The following MED12L variants were observed in gnomAD, a reference collection of about 807,000 sequenced individuals.
MED12L encodes the protein mediator of RNA polymerase II transcription subunit 12-like protein.
A neutral mutation model predicts 281.3 loss-of-function variants in MED12L; 60 were observed. The observed-to-expected ratio is 0.21, with a 90% confidence interval of 0.17 to 0.26. The LOEUF is 0.26. Ranked by LOEUF, MED12L falls within the 10% of genes least tolerant of loss-of-function variation. The pLI is 1.00. For synonymous variants in MED12L, 974 were observed against 987.2 expected, an observed-to-expected ratio of 0.99 and a Z score of 0.25; for missense variants, 2,146 against 2,680.9, an observed-to-expected ratio of 0.80 and a Z score of 4.41.
intron 8 of MED12L, among the ~76,000 whole-genome samples, chr3:151,160,870 A>G (rs1719891814): frequency 6.6e-6 from 1 of 152,236 alleles, no homozygotes; most frequent in African/African-American, 2.4e-5. Flanking sequence ...AGGCTTTGTG[A>G]AAGAAATTTT....
At position 151,433,278 on chromosome 3, in the gene MED12L, A is replaced by T. The variant is rs995431229; in HGVS notation, c.*474A>T. 6.5e-6 allele frequency: 1 copy of T among 153,310 alleles called. No homozygotes were observed. The highest frequency in any genetic ancestry group is 6.5e-5 in the Admixed American group (1 of 15,298). The allele number at this position is 153,310 out of a possible 1,614,324, so 9.5% of individuals were successfully genotyped here. Reference sequence around the variant, plus strand: ...CAGAAACATGGCCTGTTTATTCTGCATTCACCTGTGATGGTGAAACGGACA... The same window carrying T: ...CAGAAACATGGCCTGTTTATTCTGCTTTCACCTGTGATGGTGAAACGGACA... On this transcript the variant is annotated 3_prime_UTR_variant, in exon 45 of 45. Transcript: ENST00000687756.
intron 39 of MED12L, among the ~76,000 whole-genome samples, chr3:151,396,730 TAGCCCACTTTCAA>T (rs1715028198): frequency 1.3e-5 from 2 of 152,260 alleles, no homozygotes; most frequent in Non-Finnish European, 1.5e-5. Context: ...TTCTTATTTA[TAGCCCACTTTCAA>T]ACTGTTACTG....
At chr3:151,145,079 A>G (rs1265247110) in intron 5 of MED12L, among the ~76,000 whole-genome samples, 8 of 152,160 alleles carry the variant, frequency 5.3e-5, no homozygotes. Context: ...ATAATTCTGT[A>G]TAGGCTAAGA....
intron 16 of MED12L, chr3:151,300,135 T>C (rs1374625151): frequency 1.3e-6 from 2 of 1,545,252 alleles, no homozygotes; most frequent in Non-Finnish European, 1.8e-6. Context: ...CAAAGATGCG[T>C]GTCAGGAAAC....
intron 16 of MED12L, among the ~76,000 whole-genome samples, chr3:151,348,540 G>T: frequency 6.6e-6 from 1 of 150,866 alleles, no homozygotes; most frequent in East Asian, 1.9e-4. Flanking sequence ...TATTAAATAA[G>T]AACAGCTTCT....
intron 13 of MED12L, among the ~76,000 whole-genome samples, chr3:151,189,554 G>T (rs552411083): frequency 1.3e-5 from 2 of 152,294 alleles, no homozygotes; most frequent in South Asian, 2.1e-4. Context: ...CCTTACTCCT[G>T]TGTCTTTGCT....
At chr3:151,326,759 C>T (rs772003307) in intron 16 of MED12L, 2 of 152,188 alleles carry the variant, frequency 1.3e-5, no homozygotes, top group Non-Finnish European at 2.9e-5. Flanking sequence ...CTACGATGGT[C>T]GTGTTGGAGC....
intron 2 of MED12L, among the ~76,000 whole-genome samples, chr3:151,098,881 G>A (rs1489419608): frequency 1.3e-5 from 2 of 152,154 alleles, no homozygotes; most frequent in Non-Finnish European, 2.9e-5. Context: ...TAAAGAAAAA[G>A]AGGTTTAATG....
intron 16 of MED12L, among the ~76,000 whole-genome samples, chr3:151,276,517 C>T (rs1278710738): frequency 6.6e-6 from 1 of 152,172 alleles, no homozygotes; most frequent in Non-Finnish European, 1.5e-5. Flanking sequence ...AGAGACTGCT[C>T]ACACTGGGAG....
At chr3:151,112,763 G>A (rs536709044) in intron 2 of MED12L, among the ~76,000 whole-genome samples, 21 of 152,240 alleles carry the variant, frequency 1.4e-4, no homozygotes, top group African/African-American at 4.8e-4. Flanking sequence ...GATGGGTTGA[G>A]TGCCCCTACT....
intron 16 of MED12L, among the ~76,000 whole-genome samples, chr3:151,194,163 C>T (rs1724345092): frequency 6.6e-6 from 1 of 152,016 alleles, no homozygotes; most frequent in Non-Finnish European, 1.5e-5. Context: ...GACAGGTTTT[C>T]ACCATTTTGG....
chr3:151,252,281 GC>G (rs945214048), intron 16 of MED12L, among the ~76,000 whole-genome samples: 16 of 152,154 alleles, frequency 1.1e-4, no homozygotes, highest in Non-Finnish European at 2.2e-4. Flanking sequence ...CAGGAGTAGT[GC>G]TTAACTTGTT....
At chr3:151,104,495 A>G (rs1721769289) in intron 2 of MED12L, among the ~76,000 whole-genome samples, 1 of 152,194 alleles carries the variant, frequency 6.6e-6, no homozygotes, top group Admixed American at 6.5e-5. Flanking sequence ...CTGCTTATCC[A>G]GAGCCTTAGT....
chr3:151,386,042 A>G (rs1713292605), intron 36 of MED12L, among the ~76,000 whole-genome samples: 1 of 152,196 alleles, frequency 6.6e-6, no homozygotes, highest in South Asian at 2.1e-4. Context: ...GAGGGTCCCC[A>G]GGAAAATTGA....
Position 151,293,073 on chromosome 3 carries a change from C to G in MED12L, c.2251-56986C>G, listed in dbSNP as rs531360677. ...AAGTCCTCAGATAATCCTTTTAACC[C>G]CTTTGCCATTAACCTCTCTGCTAAA... On this transcript the variant is annotated intron_variant, in intron 16 of 44. Coordinates refer to ENST00000687756, the MANE Select transcript of MED12L (RefSeq NM_001393769.1). Among the ~76,000 whole-genome samples, 96 of 152,214 alleles carry G rather than the reference C, an allele frequency of 6.3e-4. No homozygotes were observed. The Middle Eastern group carries it at 0.01, about 16-fold the overall frequency.
chr3:151,224,716 C>T (rs1418637517), intron 16 of MED12L, among the ~76,000 whole-genome samples: 1 of 152,188 alleles, frequency 6.6e-6, no homozygotes. Context: ...AAGTTTGACA[C>T]TCACCACACT....
At chr3:151,218,593 G>T (rs751746048) in intron 16 of MED12L, among the ~76,000 whole-genome samples, 1 of 152,046 alleles carries the variant, frequency 6.6e-6, no homozygotes, top group African/African-American at 2.4e-5. Flanking sequence ...CTGTGGCCGG[G>T]CACGGTGGCT....
chr3:151,421,650 C>A (rs1227547412), intron 43 of MED12L, among the ~76,000 whole-genome samples: 3 of 152,156 alleles, frequency 2.0e-5, no homozygotes, highest in Non-Finnish European at 4.4e-5. Context: ...CTCAAGTGAT[C>A]CACCTGCCTG....
chr3:151,198,736 A>G lies in MED12L; in HGVS notation c.2250+5070A>G, dbSNP rs1223181867. The G allele has an allele frequency of 2.5e-6, 4 of 1,613,430 alleles. No individual in the cohort carries two copies. In the African/African-American group the frequency reaches 5.3e-5, roughly 22 times the overall value. ...GTATGTTGATGAGAGCCTTTTTCAC[A>G]TTTGGGTAATTTTCATTATCTTTGT... On this transcript the variant is annotated intron_variant, in intron 16 of 44. Transcript: ENST00000687756.
Sources: gnomAD v4.1 joint callset for allele counts (sites outside exome capture counted in the v4.1 genomes callset) on GRCh38, gnomAD v4.1.1 for gene constraint, MANE v1.5 for transcripts, NCBI Gene and HGNC (gene_info 2026-07-23, HGNC 2026-07-21) for gene names.